The following BMERB1 variants were observed in gnomAD, a reference collection of about 807,000 sequenced individuals.
BMERB1 encodes bMERB domain containing 1, also known as bMERB domain-containing protein 1.
In BMERB1, 12 loss-of-function variants were observed where a neutral mutation model predicts 23.6. The observed-to-expected ratio is 0.51, with a 90% CI of 0.33 to 0.82. The LOEUF is 0.82. Among genes scored for constraint, BMERB1 ranks in the 40% least tolerant of loss-of-function variants. The pLI is 0.03. For missense variants in BMERB1, 247 were observed against 255.4 expected (o/e 0.97, Z 0.22); for synonymous variants, 122 against 96.6 (o/e 1.26, Z -1.54).
chr16:15,502,152 T>C, intron 1 of BMERB1: 1 of 749,956 alleles, frequency 1.3e-6, no homozygotes, highest in Non-Finnish European at 2.2e-6. Context: ...CGTCTTCACG[T>C]GCTGTTGGTG....
intron 1 of BMERB1, among the ~76,000 whole-genome samples, chr16:15,480,132 A>C (rs1040956379): frequency 4.7e-5 from 7 of 149,794 alleles, no homozygotes; most frequent in African/African-American, 1.2e-4. Context: ...TTTTTTTTGG[A>C]GATGGAGTCT....
intron 1 of BMERB1, chr16:15,502,451 T>G: frequency 1.6e-6 from 2 of 1,274,130 alleles, no homozygotes; most frequent in Non-Finnish European, 2.2e-6. Flanking sequence ...GCCAGGAGCT[T>G]CTGGGTTAAA....
chr16:15,545,791 C>T (rs2029890948), intron 2 of BMERB1, among the ~76,000 whole-genome samples: 1 of 152,168 alleles, frequency 6.6e-6, no homozygotes, highest in African/African-American at 2.4e-5. Context: ...TTGAACTTCT[C>T]TAATAATGAC....
At chr16:15,438,207 C>T (rs762814023) in intron 1 of BMERB1, among the ~76,000 whole-genome samples, 49 of 151,440 alleles carry the variant, frequency 3.2e-4, no homozygotes, top group Non-Finnish European at 6.5e-4. Flanking sequence ...CTGCCTCAGC[C>T]TCCCAAGTAG....
intron 1 of BMERB1, among the ~76,000 whole-genome samples, chr16:15,475,068 C>A (rs531966738): frequency 6.6e-6 from 1 of 152,232 alleles, no homozygotes; most frequent in South Asian, 2.1e-4. Context: ...CACTTTCCCC[C>A]TTGGTGCTGG....
intron 1 of BMERB1, among the ~76,000 whole-genome samples, chr16:15,477,390 A>G (rs999449025): frequency 6.6e-6 from 1 of 152,200 alleles, no homozygotes; most frequent in Non-Finnish European, 1.5e-5. Context: ...GATTATGGGA[A>G]TTACAATTCA....
At chr16:15,498,284 C>A (rs538761249) in intron 1 of BMERB1, among the ~76,000 whole-genome samples, 12 of 152,158 alleles carry the variant, frequency 7.9e-5, no homozygotes, top group African/African-American at 2.6e-4. Context: ...TGCTTGTAAT[C>A]CCATCAGCTT....
At chr16:15,459,859 A>G (rs1428134060) in intron 1 of BMERB1, among the ~76,000 whole-genome samples, 1 of 152,202 alleles carries the variant, frequency 6.6e-6, no homozygotes, top group Non-Finnish European at 1.5e-5. Context: ...GGTGTAGGGA[A>G]GATGTTTAAG....
At chr16:15,530,419 A>G (rs373198533) in intron 2 of BMERB1, among the ~76,000 whole-genome samples, 4 of 151,988 alleles carry the variant, frequency 2.6e-5, no homozygotes, top group East Asian at 1.9e-4. Context: ...AAAAATATAT[A>G]TTTTTCAGAG....
intron 2 of BMERB1, among the ~76,000 whole-genome samples, chr16:15,530,442 T>C (rs992152474): frequency 1.3e-5 from 2 of 152,230 alleles, no homozygotes; most frequent in Non-Finnish European, 2.9e-5. Context: ...GAAGTCTTGC[T>C]CTGTTGTCCA....
At chr16:15,465,935 CT>C (rs2051176842) in intron 1 of BMERB1, among the ~76,000 whole-genome samples, 2 of 152,178 alleles carry the variant, frequency 1.3e-5, no homozygotes, top group African/African-American at 4.8e-5. Flanking sequence ...AATTTTTTAA[CT>C]GCTCAAAGTA....
chr16:15,465,354 T>TATA (rs1555506496), intron 1 of BMERB1, among the ~76,000 whole-genome samples: 6,263 of 39,206 alleles, frequency 0.16, 163 homozygotes, highest in Middle Eastern at 0.39. Context: ...AAGATATATA[T>TATA]TTTTTTTTTT....
intron 1 of BMERB1, among the ~76,000 whole-genome samples, chr16:15,496,051 GTGGTGA>G (rs1448073510): frequency 2.6e-5 from 4 of 151,834 alleles, no homozygotes; most frequent in African/African-American, 9.7e-5. Flanking sequence ...GGTAATGATG[GTGGTGA>G]TGGTGATGAT....
At chr16:15,512,234 T>G (rs2051677357) in intron 1 of BMERB1, among the ~76,000 whole-genome samples, 1 of 152,080 alleles carries the variant, frequency 6.6e-6, no homozygotes, top group Non-Finnish European at 1.5e-5. Flanking sequence ...TTACTGAGAA[T>G]CCAACGTCTG....
chr16:15,465,655 A>G (rs1432206951), intron 1 of BMERB1, among the ~76,000 whole-genome samples: 1 of 152,114 alleles, frequency 6.6e-6, no homozygotes, highest in Non-Finnish European at 1.5e-5. Flanking sequence ...ACCCAGCCCT[A>G]AGATCTTTGT....
intron 2 of BMERB1, 137 bp from the exon 3 acceptor site, chr16:15,567,846 A>G (rs1455529294): frequency 3.0e-6 from 2 of 677,378 alleles, no homozygotes; most frequent in Non-Finnish European, 4.9e-6. Flanking sequence ...TTTTGAGGGA[A>G]AACCTCTACA....
intron 1 of BMERB1, among the ~76,000 whole-genome samples, chr16:15,503,093 A>C (rs1042409159): frequency 1.3e-5 from 2 of 152,200 alleles, no homozygotes; most frequent in Non-Finnish European, 2.9e-5. Flanking sequence ...GAAAATATTC[A>C]GGAAAAAAAT....
At chr16:15,463,859 C>T (rs1234352364) in intron 1 of BMERB1, among the ~76,000 whole-genome samples, 11 of 142,234 alleles carry the variant, frequency 7.7e-5, no homozygotes, top group African/African-American at 2.8e-4. Context: ...AATTGGGGTT[C>T]TTTTTGTGTA....
intron 1 of BMERB1, among the ~76,000 whole-genome samples, chr16:15,466,951 T>C (rs1246455101): frequency 3.3e-5 from 5 of 152,192 alleles, no homozygotes; most frequent in Non-Finnish European, 7.3e-5. Context: ...TCATGCAGTA[T>C]ATAACCTTTT....
Sources: allele counts gnomAD v4.1 joint callset (sites outside exome capture counted in the v4.1 genomes callset), GRCh38; gene constraint gnomAD v4.1.1; transcripts MANE v1.5; gene names NCBI Gene and HGNC (gene_info 2026-07-23, HGNC 2026-07-21).